Variants in MYO18B observed in about 807,000 individuals in gnomAD.
The protein encoded by MYO18B is myosin XVIIIB.
A neutral mutation model predicts 273.0 loss-of-function variants in MYO18B; 204 were observed. The observed-to-expected ratio is 0.75, with a 90% CI of 0.67 to 0.84. MYO18B has a LOEUF of 0.84. Ranked by LOEUF, MYO18B falls within the 40% of genes least tolerant of loss-of-function variation. The pLI is 0.00. For synonymous variants in MYO18B, 1,330 were observed against 1,305.7 expected, an observed-to-expected ratio of 1.02 and a Z score of -0.40; for missense variants, 3,212 against 3,287.6, an observed-to-expected ratio of 0.98 and a Z score of 0.56.
chr22:25,925,362 TG>T (rs888150509), intron 34 of MYO18B, among the ~76,000 whole-genome samples: 1 of 152,038 alleles, frequency 6.6e-6, no homozygotes, highest in Non-Finnish European at 1.5e-5. Context: ...TCGAGTTCAG[TG>T]GTAGCATGTA....
At chr22:26,017,470 T>C (rs914529428) in intron 42 of MYO18B, among the ~76,000 whole-genome samples, 1 of 152,058 alleles carries the variant, frequency 6.6e-6, no homozygotes, top group African/African-American at 2.4e-5. Context: ...TTAAATAGTT[T>C]CGCATCTTTC....
At position 26,027,860 on chromosome 22, in the gene MYO18B, A is replaced by G; in HGVS notation, c.*12+170A>G. The G allele has an allele frequency of 3.0e-6, 2 of 666,732 alleles. No individual in the cohort carries two copies. Among genetic ancestry groups the G allele is most frequent in the East Asian group, 2.8e-5 (1 of 35,452 alleles). The allele number at this position is 666,732 out of a possible 1,614,324, so 41.3% of individuals were successfully genotyped here. A position where few individuals can be genotyped will look rare whatever the true frequency, so the allele number is the denominator to read the frequency against. On this transcript the variant is annotated intron_variant, in intron 43 of 43. Transcript: ENST00000335473. This position sits in a 1 kb window ranked among gnomAD's most constrained non-coding sequence, Gnocchi z 4.1. ...TGTTGATGGATGCAAAGCTTTTCAG[A>G]ACCCCTCTGCTGGGTACCTCTACTT... is the stretch of plus-strand genomic sequence containing the variant.
chr22:25,762,609 C>G (rs2086362300), intron 2 of MYO18B, among the ~76,000 whole-genome samples: 1 of 152,266 alleles, frequency 6.6e-6, no homozygotes, highest in Admixed American at 6.5e-5. Context: ...CCTGCCTGTT[C>G]TAGGACCCAG....
intron 11 of MYO18B, among the ~76,000 whole-genome samples, chr22:25,791,724 A>G (rs1179135727): frequency 6.6e-6 from 1 of 152,064 alleles, no homozygotes. Flanking sequence ...TTTATTTTTT[A>G]TGACCCAGTT....
intron 1 of MYO18B, among the ~76,000 whole-genome samples, chr22:25,755,883 C>A (rs2086101985): frequency 6.6e-6 from 1 of 152,052 alleles, no homozygotes; most frequent in South Asian, 2.1e-4. Context: ...GAGCTGTGAG[C>A]CAGTTGAACT....
chr22:26,011,679 A>G (rs1934935687), intron 42 of MYO18B, among the ~76,000 whole-genome samples: 1 of 152,222 alleles, frequency 6.6e-6, no homozygotes, highest in African/African-American at 2.4e-5. Flanking sequence ...CTAAATTTCA[A>G]TGGCCAATCT....
In MYO18B at chr22:25,928,108, A is replaced by G. The variant is rs139817445; in HGVS notation, c.5517+6699A>G. On this transcript the variant is annotated intron_variant, in intron 34 of 43. Coordinates refer to ENST00000335473, the MANE Select transcript of MYO18B (RefSeq NM_032608.7). ...GCATGGTATTGCTGGAGTATAAGGT[A>G]TCCAGGGGTTAAAAGGGCAGAGAGG... 2.9e-3 allele frequency among the ~76,000 whole-genome samples: 438 copies of G among 152,234 alleles called. 2 individuals are homozygous for G. Among genetic ancestry groups the G allele is most frequent in the African/African-American group, 0.01 (426 of 41,532 alleles).
chr22:25,924,352 A>G (rs1243362555), intron 34 of MYO18B, among the ~76,000 whole-genome samples: 1 of 152,236 alleles, frequency 6.6e-6, no homozygotes, highest in African/African-American at 2.4e-5. Context: ...GAACAATTTC[A>G]TTCATTCAAT....
chr22:25,754,293 A>G (rs2086038610), intron 1 of MYO18B, among the ~76,000 whole-genome samples: 1 of 152,182 alleles, frequency 6.6e-6, no homozygotes, highest in Non-Finnish European at 1.5e-5. Flanking sequence ...TCTTGAGGTG[A>G]GAATGTGCTT....
chr22:25,746,422 C>A (rs1012591290), intron 1 of MYO18B, among the ~76,000 whole-genome samples: 2 of 152,154 alleles, frequency 1.3e-5, no homozygotes, highest in Non-Finnish European at 2.9e-5. Flanking sequence ...CCAGTGTCAG[C>A]GTAGACACTA....
At chr22:26,004,627 C>A in intron 41 of MYO18B, 91 bp from the exon 42 acceptor site, 1 of 1,476,468 alleles carries the variant, frequency 6.8e-7, no homozygotes, top group Non-Finnish European at 9.3e-7. Context: ...TCACTTAGCA[C>A]AATGCCTGGC....
chr22:26,034,289 C>T (rs1288151092), downstream of MYO18B, among the ~76,000 whole-genome samples: 1 of 152,248 alleles, frequency 6.6e-6, no homozygotes, highest in Non-Finnish European at 1.5e-5. Context: ...GACACTACCA[C>T]TTCTGCTACC....
chr22:25,880,221 G>A (rs739280), intron 25 of MYO18B, among the ~76,000 whole-genome samples: 110,382 of 152,034 alleles, frequency 0.73, 40,678 homozygotes, highest in East Asian at 1. Context: ...ACTCAGCAAA[G>A]TAAATAATAT....
At chr22:25,919,980 CCTCT>C (rs2092318309) in intron 33 of MYO18B, among the ~76,000 whole-genome samples, 2 of 151,846 alleles carry the variant, frequency 1.3e-5, no homozygotes, top group Non-Finnish European at 2.9e-5. Flanking sequence ...TTTTTTTTAA[CCTCT>C]CTTTTTGTGG....
chr22:25,809,043 A>G (rs887082032), intron 12 of MYO18B, among the ~76,000 whole-genome samples: 12 of 152,130 alleles, frequency 7.9e-5, no homozygotes, highest in Non-Finnish European at 1.6e-4. Flanking sequence ...TCCTGGGTTC[A>G]AGAAATTCTC....
chr22:25,943,610 G>A (rs1234184068), intron 34 of MYO18B, among the ~76,000 whole-genome samples: 4 of 151,778 alleles, frequency 2.6e-5, no homozygotes, highest in African/African-American at 9.7e-5. Context: ...CAGCACCACC[G>A]TTAGTTCCTG....
At position 25,916,283 on chromosome 22, in the gene MYO18B, G is replaced by T. The variant is rs890481064; in HGVS notation, c.5365-4974G>T. Among the ~76,000 whole-genome samples the T allele has an allele frequency of 2.6e-5, 4 of 152,028 alleles. 1 individual carries two copies. Among genetic ancestry groups the T allele is most frequent in the Non-Finnish European group, 5.9e-5 (4 of 67,970 alleles). ...TGTCTGTAATCCCTTCAAATAACCT[G>T]CTTTTGTTTTATTGTTTCTTTGTTG... On this transcript the variant is annotated intron_variant, in intron 33 of 43. Coordinates refer to ENST00000335473, the MANE Select transcript of MYO18B (RefSeq NM_032608.7).
chr22:25,897,566 AAACAGC>A (rs1290178748), intron 28 of MYO18B: 1 of 152,224 alleles, frequency 6.6e-6, no homozygotes, highest in Admixed American at 6.5e-5. Context: ...AAAAGTAATA[AAACAGC>A]AACCTTTTCT....
intron 21 of MYO18B, among the ~76,000 whole-genome samples, chr22:25,857,248 T>C (rs971561124): frequency 6.6e-6 from 1 of 152,218 alleles, no homozygotes; most frequent in Non-Finnish European, 1.5e-5. Context: ...ATTTTTCTGC[T>C]GCTGAAGCAG....
Sources: gnomAD v4.1 joint callset for allele counts (sites outside exome capture counted in the v4.1 genomes callset) on GRCh38, gnomAD v4.1.1 for gene constraint, Gnocchi (gnomAD v3.1) non-coding constraint, MANE v1.5 for transcripts, NCBI Gene and HGNC (gene_info 2026-07-23, HGNC 2026-07-21) for gene names.